Variants in PARD3B observed in about 807,000 individuals in gnomAD.
The protein encoded by PARD3B is par-3 family cell polarity regulator beta.
PARD3B carries 103 observed loss-of-function variants against 130.2 expected under a neutral mutation model. That is an observed-to-expected ratio of 0.79 (90% CI 0.67 to 0.93). The LOEUF is 0.93. PARD3B is among the 40% of genes least tolerant of loss of function. The pLI is 0.00. For synonymous variants in PARD3B, 583 were observed against 553.2 expected (o/e 1.05, Z -0.76); for missense variants, 1,609 against 1,499.2 (o/e 1.07, Z -1.21).
intron 2 of PARD3B, among the ~76,000 whole-genome samples, chr2:204,895,945 G>A (rs1016831734): frequency 1.3e-5 from 2 of 152,126 alleles, no homozygotes; most frequent in Admixed American, 6.5e-5. Context: ...ATAAACAAAG[G>A]ATAGTACTAT....
intron 3 of PARD3B, among the ~76,000 whole-genome samples, chr2:205,012,876 G>A (rs1246174338): frequency 4.6e-5 from 7 of 152,164 alleles, no homozygotes. Context: ...TATACTGCGA[G>A]ATCTCAGACA....
At chr2:205,072,098 A>T (rs1402437186) in intron 4 of PARD3B, among the ~76,000 whole-genome samples, 1 of 152,194 alleles carries the variant, frequency 6.6e-6, no homozygotes, top group Non-Finnish European at 1.5e-5. Flanking sequence ...GTTGTAAAGA[A>T]ATAAGATATA....
chr2:204,775,758 C>T lies in PARD3B; in HGVS notation c.222+89476C>T, dbSNP rs141705066. Among the ~76,000 whole-genome samples the T allele has an allele frequency of 4.5e-3, 681 of 152,276 alleles. 7 individuals are homozygous for T. Among genetic ancestry groups the T allele is most frequent in the South Asian group, 0.016 (77 of 4,830 alleles). ...TGTCTCTTCTAGTTATTTCTTAGGG[C>T]TTCAGTTTCTGGCAGGTGCCCTCAA... On this transcript the variant is annotated intron_variant, in intron 2 of 22. Coordinates refer to ENST00000406610, the MANE Select transcript of PARD3B (RefSeq NM_001302769.2).
intron 16 of PARD3B, among the ~76,000 whole-genome samples, chr2:205,294,721 G>A (rs981834894): frequency 1.1e-4 from 17 of 152,074 alleles, no homozygotes; most frequent in Admixed American, 9.2e-4. Flanking sequence ...TTCAGGAAAC[G>A]ATAAAAGACC....
intron 22 of PARD3B, among the ~76,000 whole-genome samples, chr2:205,574,855 TAA>T (rs5837982): frequency 2.0e-4 from 24 of 121,540 alleles, no homozygotes; most frequent in Admixed American, 3.4e-4. Flanking sequence ...CACTGAGGAG[TAA>T]AAAAAAAAAA....
intron 21 of PARD3B, among the ~76,000 whole-genome samples, chr2:205,515,728 T>G (rs2050768452): frequency 6.6e-6 from 1 of 152,226 alleles, no homozygotes; most frequent in African/African-American, 2.4e-5. Context: ...TGCAAATATT[T>G]TCTCCCATTC....
chr2:205,553,245 T>C, intron 21 of PARD3B, 79 bp from the exon 22 acceptor site: 4 of 1,362,996 alleles, frequency 2.9e-6, no homozygotes, highest in East Asian at 2.3e-5. Context: ...ATTTGTGCAC[T>C]GATTATAATT....
chr2:204,624,067 G>T (rs1241157264), intron 1 of PARD3B, among the ~76,000 whole-genome samples: 1 of 152,076 alleles, frequency 6.6e-6, no homozygotes, highest in Non-Finnish European at 1.5e-5. Flanking sequence ...AGAGTGAAAT[G>T]TCCATCATTT....
chr2:204,709,174 G>C (rs1015548041), intron 2 of PARD3B, among the ~76,000 whole-genome samples: 1 of 152,078 alleles, frequency 6.6e-6, no homozygotes, highest in Non-Finnish European at 1.5e-5. Context: ...AGAATTGTAA[G>C]GTAAAAATGC....
At chr2:205,482,265 G>A (rs1014036245) in intron 20 of PARD3B, among the ~76,000 whole-genome samples, 4 of 152,248 alleles carry the variant, frequency 2.6e-5, no homozygotes, top group East Asian at 1.9e-4. Flanking sequence ...CAATTAGATT[G>A]GAGCAGTAGG....
intron 18 of PARD3B, among the ~76,000 whole-genome samples, chr2:205,334,183 T>TTTTATACACA (rs1483439433): frequency 1.3e-5 from 2 of 152,190 alleles, no homozygotes; most frequent in African/African-American, 2.4e-5. Context: ...TGACATCTCT[T>TTTTATACACA]CAGTTTATAA....
chr2:205,420,983 A>G (rs2046949035), intron 19 of PARD3B, among the ~76,000 whole-genome samples: 1 of 152,198 alleles, frequency 6.6e-6, no homozygotes, highest in Non-Finnish European at 1.5e-5. Context: ...TCTACTAAAA[A>G]TACAAAAATT....
At chr2:205,207,648 A>C (rs1301680830) in intron 15 of PARD3B, among the ~76,000 whole-genome samples, 13 of 143,004 alleles carry the variant, frequency 9.1e-5, no homozygotes, top group Admixed American at 2.7e-4. Flanking sequence ...GACACATACA[A>C]TCTCCCAAGA....
chr2:205,089,138 T>C (rs1701935516), intron 4 of PARD3B, among the ~76,000 whole-genome samples: 1 of 124,830 alleles, frequency 8.0e-6, no homozygotes, highest in East Asian at 2.3e-4. Flanking sequence ...TCTCTTTTTT[T>C]TTTCTTTCTT....
chr2:204,796,827 G>A (rs1349692662), intron 2 of PARD3B, among the ~76,000 whole-genome samples: 8 of 152,098 alleles, frequency 5.3e-5, no homozygotes, highest in Admixed American at 5.2e-4. Flanking sequence ...GTAACCATAT[G>A]CCTCTGGCTA....
chr2:204,650,991 C>T (rs2035457565), intron 1 of PARD3B, among the ~76,000 whole-genome samples: 1 of 152,088 alleles, frequency 6.6e-6, no homozygotes. Context: ...GGGAAGTCCA[C>T]CTCTATGATT....
At chr2:204,604,005 C>T (rs766889152) in intron 1 of PARD3B, among the ~76,000 whole-genome samples, 2 of 152,118 alleles carry the variant, frequency 1.3e-5, no homozygotes, top group African/African-American at 4.8e-5. Flanking sequence ...GTCCTACCTG[C>T]TGGGTGAGTA....
At chr2:205,329,855 G>A (rs1291003688) in intron 18 of PARD3B, among the ~76,000 whole-genome samples, 6 of 151,860 alleles carry the variant, frequency 4.0e-5, no homozygotes, top group Middle Eastern at 3.4e-3. Flanking sequence ...TTAGCCGGGC[G>A]TGTTGGCACA....
Position 205,158,980 on chromosome 2 carries a change from A to G in PARD3B, c.1620+73A>G. ...TGTGACTGTTGTACTTAGAGACTGA[A>G]TGGAGAAAGTGTCTGAAGACTTGAG... On this transcript the variant is annotated intron_variant, in intron 11 of 22. Coordinates refer to ENST00000406610, the MANE Select transcript of PARD3B (RefSeq NM_001302769.2). The surrounding 1 kb of genome is among the most constrained non-coding windows in gnomAD (Gnocchi z 5.4). 1 of 1,518,524 alleles carries G rather than the reference A, an allele frequency of 6.6e-7. No individual in the cohort carries two copies. The highest frequency in any genetic ancestry group is 9.1e-7 in the Non-Finnish European group (1 of 1,104,266). 94.1% of individuals were successfully genotyped at this position (1,518,524 alleles called of 1,614,324 possible).
Sources: allele counts gnomAD v4.1 joint callset (sites outside exome capture counted in the v4.1 genomes callset), GRCh38; gene constraint gnomAD v4.1.1; non-coding constraint Gnocchi (gnomAD v3.1); transcripts MANE v1.5; gene names NCBI Gene and HGNC (gene_info 2026-07-23, HGNC 2026-07-21).